Variants in RPA3 observed in about 807,000 individuals in gnomAD.
The protein encoded by RPA3 is replication protein A 14 kDa subunit.
Under a neutral mutation model 13.7 loss-of-function variants are expected in RPA3, and 24 were observed. That is an observed-to-expected ratio of 1.75 (90% CI 1.27 to 2.46). The LOEUF (loss-of-function observed/expected upper bound fraction) is 2.46. RPA3 is among the 30% of genes most tolerant of loss of function. The pLI, the probability that RPA3 is intolerant of heterozygous loss-of-function variation, is 0.00. For missense variants in RPA3, 183 were observed against 151.0 expected (o/e 1.21, Z -1.11); for synonymous variants, 59 against 51.2 (o/e 1.15, Z -0.65).
intron 4 of RPA3, among the ~76,000 whole-genome samples, chr7:7,677,111 A>T (rs916437545): frequency 6.6e-6 from 1 of 152,078 alleles, no homozygotes; most frequent in South Asian, 2.1e-4. Context: ...TTTTATTTTT[A>T]ATCATTATGG....
At chr7:7,656,911 A>G (rs541694834) in intron 4 of RPA3, among the ~76,000 whole-genome samples, 1 of 152,352 alleles carries the variant, frequency 6.6e-6, no homozygotes, top group South Asian at 2.1e-4. Context: ...CAATGGTTGA[A>G]CTAATTTACA....
intron 4 of RPA3, among the ~76,000 whole-genome samples, chr7:7,657,014 G>T (rs1270839389): frequency 6.6e-6 from 1 of 152,106 alleles, no homozygotes; most frequent in East Asian, 1.9e-4. Context: ...CATTCTAACT[G>T]GCGTGAGAAT....
At chr7:7,637,995 G>T in intron 6 of RPA3, 23 bp from the exon 7 acceptor site, 1 of 1,557,678 alleles carries the variant, frequency 6.4e-7, no homozygotes, top group Non-Finnish European at 8.8e-7. Flanking sequence ...ACAAGACATC[G>T]ATTTGGTGAT....
chr7:7,713,120 C>T (rs1193150451), intron 2 of RPA3, among the ~76,000 whole-genome samples: 2 of 151,782 alleles, frequency 1.3e-5, no homozygotes, highest in Non-Finnish European at 1.5e-5. Flanking sequence ...AGGCAGATCA[C>T]AAGGTCAGGA....
intron 4 of RPA3, among the ~76,000 whole-genome samples, chr7:7,665,659 C>T (rs1194060148): frequency 6.6e-6 from 1 of 152,198 alleles, no homozygotes; most frequent in Non-Finnish European, 1.5e-5. Context: ...TTTCCTGCTA[C>T]TCCCTTGTCA....
In RPA3 at chr7:7,681,612, T is replaced by C. The variant is rs566568838; in HGVS notation, c.-758+4218A>G. 1.2e-4 allele frequency among the ~76,000 whole-genome samples: 19 copies of C among 152,274 alleles called. No homozygotes were observed. The South Asian group carries it at 3.9e-3, about 32-fold the overall frequency. ...GCTATTCCTTCATTCAGTAATGAAG[T>C]TGAAGTAATCCTCCAGGGTACTCAT... On this transcript the variant is annotated intron_variant, in intron 4 of 7. Coordinates refer to ENST00000223129, the MANE Select transcript of RPA3 (RefSeq NM_002947.5).
chr7:7,716,671 C>T (rs751333708), intron 1 of RPA3, among the ~76,000 whole-genome samples: 1 of 152,212 alleles, frequency 6.6e-6, no homozygotes, highest in Non-Finnish European at 1.5e-5. Flanking sequence ...GCGCGGCCGG[C>T]GCGGTGGCTC....
At chr7:7,664,783 T>C (rs1779396524) in intron 4 of RPA3, among the ~76,000 whole-genome samples, 1 of 152,232 alleles carries the variant, frequency 6.6e-6, no homozygotes, top group African/African-American at 2.4e-5. Flanking sequence ...CACTCAAGAT[T>C]AAAGCTACCA....
In RPA3 at chr7:7,640,474, G is replaced by T; in HGVS notation, c.-56C>A. ...AACCCACGGACGACTGAAACTGTGC[G>T]CCCCGCGGGTGTCTATGGGGCAGAT... On this transcript the variant is annotated 5_prime_UTR_variant, in exon 5 of 8. Coordinates refer to ENST00000223129, the MANE Select transcript of RPA3 (RefSeq NM_002947.5). 1.3e-6 allele frequency: 2 copies of T among 1,538,032 alleles called. No homozygotes were observed. Among genetic ancestry groups the T allele is most frequent in the Non-Finnish European group, 1.8e-6 (2 of 1,115,552 alleles).
At chr7:7,671,239 A>G (rs1351753696) in intron 4 of RPA3, among the ~76,000 whole-genome samples, 1 of 152,200 alleles carries the variant, frequency 6.6e-6, no homozygotes, top group Non-Finnish European at 1.5e-5. Context: ...AATTTTTGCT[A>G]GATGTAATTC....
At chr7:7,679,840 C>T (rs1779864384) in intron 4 of RPA3, among the ~76,000 whole-genome samples, 1 of 151,284 alleles carries the variant, frequency 6.6e-6, no homozygotes, top group Non-Finnish European at 1.5e-5. Context: ...GCTGGGATTA[C>T]AGGCGTGAGC....
chr7:7,662,262 C>G (rs1432259396), intron 4 of RPA3, among the ~76,000 whole-genome samples: 1 of 152,170 alleles, frequency 6.6e-6, no homozygotes, highest in African/African-American at 2.4e-5. Context: ...GGGTTGGGAT[C>G]CACTGAGCTA....
intron 4 of RPA3, among the ~76,000 whole-genome samples, chr7:7,677,064 G>A (rs1246892773): frequency 8.6e-5 from 13 of 151,908 alleles, no homozygotes; most frequent in Admixed American, 8.5e-4. Context: ...TTATTAACAT[G>A]GACACATACT....
chr7:7,683,937 A>G (rs944598088), intron 4 of RPA3, among the ~76,000 whole-genome samples: 2 of 152,158 alleles, frequency 1.3e-5, no homozygotes, highest in African/African-American at 4.8e-5. Context: ...TTCATTTTCT[A>G]TGAGTAATAT....
chr7:7,684,363 G>C (rs928733804), intron 4 of RPA3, among the ~76,000 whole-genome samples: 2 of 151,404 alleles, frequency 1.3e-5, no homozygotes, highest in African/African-American at 2.4e-5. Flanking sequence ...CACCATTCCC[G>C]GCTAATTTTT....
At chr7:7,690,737 A>G (rs1214654830) in intron 2 of RPA3, among the ~76,000 whole-genome samples, 2 of 152,186 alleles carry the variant, frequency 1.3e-5, no homozygotes, top group African/African-American at 2.4e-5. Flanking sequence ...GAGCTACCTT[A>G]TATGAGTTGC....
rs1415281763 is a variant in RPA3 at position 7,685,934 on chromosome 7, T to G, written c.-862A>C. ...CAGTAAGTGAACATTCTTGAGCACTTTCTCTATCCCAGGTGCTCTCCTGCT... is the reference window on the plus strand; with the variant it reads ...CAGTAAGTGAACATTCTTGAGCACTGTCTCTATCCCAGGTGCTCTCCTGCT... On this transcript the variant is annotated 5_prime_UTR_variant, in exon 4 of 8. Transcript: ENST00000223129. 3 of 152,218 alleles carry G rather than the reference T, an allele frequency of 2.0e-5. No individual in the cohort carries two copies. The highest frequency in any genetic ancestry group is 2.9e-5 in the Non-Finnish European group (2 of 68,032). 9.4% of individuals were successfully genotyped at this position (152,218 alleles called of 1,614,324 possible).
intron 2 of RPA3, among the ~76,000 whole-genome samples, chr7:7,694,900 C>T (rs971707359): frequency 1.3e-5 from 2 of 152,132 alleles, no homozygotes; most frequent in Admixed American, 1.3e-4. Flanking sequence ...TGGGGATACA[C>T]CTAGCAGTGG....
At chr7:7,638,199 T>G in intron 6 of RPA3, 1 of 388,340 alleles carries the variant, frequency 2.6e-6, no homozygotes, top group Non-Finnish European at 4.8e-6. Context: ...AGTCCAAAGC[T>G]ACAATTCAAG....
Sources: allele counts gnomAD v4.1 joint callset (sites outside exome capture counted in the v4.1 genomes callset), GRCh38; gene constraint gnomAD v4.1.1; transcripts MANE v1.5; gene names NCBI Gene and HGNC (gene_info 2026-07-23, HGNC 2026-07-21).